Variants in SLC66A2 observed in about 807,000 individuals in gnomAD.
SLC66A2 encodes the protein PQ loop repeat containing 1.
Under a neutral mutation model 25.5 loss-of-function variants are expected in SLC66A2, and 23 were observed. The ratio of observed to expected loss-of-function variants is 0.90; its 90% confidence interval spans 0.65 to 1.28. SLC66A2 has a LOEUF of 1.28. SLC66A2 is among the 50% of genes most tolerant of loss of function. The pLI is 0.00. For missense variants in SLC66A2, 396 were observed against 373.1 expected (o/e 1.06, Z -0.51); for synonymous variants, 193 against 166.5 (o/e 1.16, Z -1.23).
chr18:79,919,548 AC>A (rs748484855), intron 4 of SLC66A2, 148 bp from the exon 5 acceptor site: 17,069 of 307,508 alleles, frequency 0.056, 2,289 homozygotes, highest in African/African-American at 0.078. Context: ...GTGGGGAGAG[AC>A]AGGAACCGAG....
rs1273793049 is a variant in SLC66A2 at position 79,904,000 on chromosome 18, G to T, written c.792C>A (p.His264Gln). ...HPQKPAPHAV[H>Q]PTGTKAL ...GTCAGAGGGCCTTGGTGCCAGTGGG[G>T]TGCACGGCGTGGGGCGCCGGCTTCT... The change falls in exon 6 of 6, where the codon CAC (histidine) becomes CAA (glutamine). Residue 264 changes from histidine (H) to glutamine (Q), a missense_variant. Coordinates refer to ENST00000397778, the MANE Select transcript of SLC66A2 (RefSeq NM_025078.5). 6.2e-7 allele frequency: 1 copy of T among 1,603,936 alleles called. No homozygotes were observed. Among genetic ancestry groups the T allele is most frequent in the East Asian group, 2.2e-5 (1 of 44,600 alleles).
Position 79,940,932 on chromosome 18 carries a change from C to G in SLC66A2, c.337+2397G>C, listed in dbSNP as rs1194521406. Reference sequence around the variant, plus strand: ...CATGCAGCTTGGTTCTCAGTCCTCCCCGGGGGAGGGCAGGCACAGGTCACC... The same window carrying G: ...CATGCAGCTTGGTTCTCAGTCCTCCGCGGGGGAGGGCAGGCACAGGTCACC... On this transcript the variant is annotated intron_variant, in intron 3 of 5. Transcript: ENST00000397778. This position sits in a 1 kb window ranked among gnomAD's most constrained non-coding sequence, Gnocchi z 4.1. Among the ~76,000 whole-genome samples, 1 of 152,150 alleles carries G rather than the reference C, an allele frequency of 6.6e-6. No homozygotes were observed.
chr18:79,943,349 G>A lies in SLC66A2; in HGVS notation c.317C>T (p.Ala106Val). ...CCAACCTGTAAAGGAGCGGCGCCTG[G>A]CGTTGAGCTCGTTGGCCACACGGAC... is the stretch of plus-strand genomic sequence containing the variant. Reference protein sequence around the residue: ...TEVRVANELNARRRSFTAADS... With the variant: ...TEVRVANELNVRRRSFTAADS... Residue 106 changes from alanine (A) to valine (V), a missense_variant, in exon 3 of 6, where the codon GCC becomes GTC. Transcript: ENST00000397778. 2 of 1,614,164 alleles carry A rather than the reference G, an allele frequency of 1.2e-6. No homozygotes were observed. Among genetic ancestry groups the A allele is most frequent in the Non-Finnish European group, 1.7e-6 (2 of 1,180,028 alleles).
chr18:79,908,315 G>A (rs1982432826), intron 5 of SLC66A2, among the ~76,000 whole-genome samples: 1 of 140,496 alleles, frequency 7.1e-6, no homozygotes, highest in Non-Finnish European at 1.6e-5. Flanking sequence ...GATTCCTAAA[G>A]GAATTTTTTT....
intron 5 of SLC66A2, among the ~76,000 whole-genome samples, chr18:79,911,034 C>T (rs2042840004): frequency 6.6e-6 from 1 of 152,268 alleles, no homozygotes; most frequent in South Asian, 2.1e-4. Context: ...AGCACCCACA[C>T]CACGGCCTCA....
chr18:79,940,303 T>C lies in SLC66A2; in HGVS notation c.337+3026A>G, dbSNP rs542072044. On this transcript the variant is annotated intron_variant, in intron 3 of 5. Coordinates refer to ENST00000397778, the MANE Select transcript of SLC66A2 (RefSeq NM_025078.5). The surrounding 1 kb of genome is among the most constrained non-coding windows in gnomAD (Gnocchi z 4.1). ...GGTACTAGGCTTAATACCTGGGTGATGAAATAATCTGCACACTGGCCGGGC... is the reference window on the plus strand; with the variant it reads ...GGTACTAGGCTTAATACCTGGGTGACGAAATAATCTGCACACTGGCCGGGC... Among the ~76,000 whole-genome samples, 7 of 152,146 alleles carry C rather than the reference T, an allele frequency of 4.6e-5. No homozygotes were observed. Among genetic ancestry groups the C allele is most frequent in the Admixed American group, 2.0e-4 (3 of 15,288 alleles).
At chr18:79,922,404 G>A (rs1249323758) in intron 4 of SLC66A2, among the ~76,000 whole-genome samples, 1 of 152,122 alleles carries the variant, frequency 6.6e-6, no homozygotes, top group Non-Finnish European at 1.5e-5. Context: ...CCCCCCTCGG[G>A]TTAACCACGG....
rs899346059 is a variant in SLC66A2 at position 79,917,115 on chromosome 18, G to A, written c.608+2069C>T. On this transcript the variant is annotated intron_variant, in intron 5 of 5. Transcript: ENST00000397778. This position sits in a 1 kb window ranked among gnomAD's most constrained non-coding sequence, Gnocchi z 6.0. ...ACACACAGACCCCCCTTCCACAGGC[G>A]TTTCTGGAGCCTTCCCCGTGTGTGA... is the stretch of plus-strand genomic sequence containing the variant. Among the ~76,000 whole-genome samples the A allele has an allele frequency of 1.3e-5, 2 of 152,264 alleles. No homozygotes were observed. Among genetic ancestry groups the A allele is most frequent in the African/African-American group, 2.4e-5 (1 of 41,474 alleles).
chr18:79,926,644 A>T (rs911411435), intron 4 of SLC66A2, among the ~76,000 whole-genome samples: 3 of 145,570 alleles, frequency 2.1e-5, no homozygotes, highest in African/African-American at 7.4e-5. Context: ...GACATTCTGC[A>T]GGGGAGGAAA....
intron 3 of SLC66A2, 60 bp downstream of exon 3, chr18:79,943,269 C>T: frequency 6.4e-7 from 1 of 1,556,522 alleles, no homozygotes; most frequent in Non-Finnish European, 8.7e-7. Context: ...GCTTTTGTTT[C>T]ACCAGAGTCA....
rs1986032729 is a variant in SLC66A2, at chr18:79,927,020, G to A, written c.391+6949C>T. Reference sequence around the variant, plus strand: ...TTTAAAAATACAAATCGACTCTCCAGGAAAAAACAAAAAAACGAAAAAACT... The same window carrying A: ...TTTAAAAATACAAATCGACTCTCCAAGAAAAAACAAAAAAACGAAAAAACT... On this transcript the variant is annotated intron_variant, in intron 4 of 5. Transcript: ENST00000397778. This position sits in a 1 kb window ranked among gnomAD's most constrained non-coding sequence, Gnocchi z 6.2. Among the ~76,000 whole-genome samples the A allele has an allele frequency of 1.3e-5, 2 of 152,086 alleles. No individual in the cohort carries two copies. The highest frequency in any genetic ancestry group is 4.8e-5 in the African/African-American group (2 of 41,416).
intron 4 of SLC66A2, among the ~76,000 whole-genome samples, chr18:79,928,307 A>G (rs1986210377): frequency 6.6e-6 from 1 of 152,066 alleles, no homozygotes; most frequent in African/African-American, 2.4e-5. Flanking sequence ...TCCATGACAC[A>G]CCCCATGGAG....
chr18:79,908,782 T>C (rs746585256), intron 5 of SLC66A2, among the ~76,000 whole-genome samples: 2 of 152,248 alleles, frequency 1.3e-5, no homozygotes, highest in Non-Finnish European at 2.9e-5. Flanking sequence ...CATTCTACAG[T>C]TGTGTCGTGA....
At position 79,918,837 on chromosome 18, in the gene SLC66A2, G is replaced by A. The variant is rs1027687388; in HGVS notation, c.608+347C>T. On this transcript the variant is annotated intron_variant, in intron 5 of 5. Coordinates refer to ENST00000397778, the MANE Select transcript of SLC66A2 (RefSeq NM_025078.5). The surrounding 1 kb of genome is among the most constrained non-coding windows in gnomAD (Gnocchi z 4.0). Reference sequence around the variant, plus strand: ...CCACCTTCCCTGCCCCACCAGACCCGCCCTGACCCTGGGCCAGGCTGGTTG... The same window carrying A: ...CCACCTTCCCTGCCCCACCAGACCCACCCTGACCCTGGGCCAGGCTGGTTG... Among the ~76,000 whole-genome samples the A allele has an allele frequency of 6.0e-4, 91 of 152,270 alleles. 2 individuals are homozygous for A. Among genetic ancestry groups the A allele is most frequent in the Admixed American group, 2.0e-4 (3 of 15,298 alleles).
chr18:79,939,608 G>A lies in SLC66A2; in HGVS notation c.337+3721C>T, dbSNP rs139618193. Among the ~76,000 whole-genome samples, 227 of 152,162 alleles carry A rather than the reference G, an allele frequency of 1.5e-3. 3 individuals are homozygous for A. In the East Asian group the frequency reaches 0.02, roughly 13 times the overall value. On this transcript the variant is annotated intron_variant, in intron 3 of 5. Transcript: ENST00000397778. ...ACTTTTCAAAAGAAGACATACATGC[G>A]GCCAACAAGCGTATGAAAAAAAGCT...
chr18:79,916,674 C>T (rs1411957852), intron 5 of SLC66A2, among the ~76,000 whole-genome samples: 1 of 152,250 alleles, frequency 6.6e-6, no homozygotes, highest in African/African-American at 2.4e-5. Context: ...CATCTGTGTG[C>T]CGTGAGGGCG....
At chr18:79,928,341 C>T (rs1391043632) in intron 4 of SLC66A2, among the ~76,000 whole-genome samples, 3 of 152,224 alleles carry the variant, frequency 2.0e-5, no homozygotes, top group Non-Finnish European at 4.4e-5. Context: ...TGCGTTTACT[C>T]AATGTAGCCA....
At chr18:79,931,372 A>C (rs150144474) in intron 4 of SLC66A2, among the ~76,000 whole-genome samples, 4 of 152,254 alleles carry the variant, frequency 2.6e-5, no homozygotes, top group African/African-American at 9.6e-5. Flanking sequence ...TGGAAAGAAT[A>C]TATCAAATGG....
chr18:79,934,954 A>T (rs890121005), intron 3 of SLC66A2, among the ~76,000 whole-genome samples: 9 of 152,070 alleles, frequency 5.9e-5, no homozygotes, highest in African/African-American at 2.2e-4. Context: ...ATCTCTACCA[A>T]ATTTGAGGGT....
Sources: allele counts gnomAD v4.1 joint callset (sites outside exome capture counted in the v4.1 genomes callset), GRCh38; gene constraint gnomAD v4.1.1; non-coding constraint Gnocchi (gnomAD v3.1); transcripts MANE v1.5; gene names NCBI Gene and HGNC (gene_info 2026-07-23, HGNC 2026-07-21).